TTC39A: variants seen among roughly 807,000 people sequenced by gnomAD.
TTC39A encodes the protein tetratricopeptide repeat protein 39A.
TTC39A carries 46 observed loss-of-function variants against 82.3 expected under a neutral mutation model. The ratio of observed to expected loss-of-function variants is 0.56; its 90% CI spans 0.44 to 0.71. The LOEUF (loss-of-function observed/expected upper bound fraction) is 0.71. Ranked by LOEUF, TTC39A falls within the 30% of genes least tolerant of loss-of-function variation. TTC39A has a pLI of 0.00. For synonymous variants in TTC39A, 254 were observed against 275.2 expected (o/e 0.92, Z 0.76); for missense variants, 543 against 712.9 (o/e 0.76, Z 2.71).
intron 1 of TTC39A, among the ~76,000 whole-genome samples, chr1:51,337,100 C>T (rs1257741049): frequency 6.6e-6 from 1 of 152,204 alleles, no homozygotes; most frequent in African/African-American, 2.4e-5. Flanking sequence ...CAGATCACAT[C>T]ACAACTCTGC....
chr1:51,335,518 A>C (rs984929778), upstream of TTC39A, among the ~76,000 whole-genome samples: 1 of 148,606 alleles, frequency 6.7e-6, no homozygotes, highest in Non-Finnish European at 1.5e-5. Context: ...CCGAGATCAC[A>C]CCATTGCACT....
exon 1 of TTC39A, chr1:51,345,086 C>A (rs944642048): frequency 1.2e-5 from 15 of 1,223,554 alleles, no homozygotes; most frequent in Admixed American, 4.4e-5. Flanking sequence ...CGGCCCCTCG[C>A]GGCGGCGGCG....
rs377464572 is a variant in TTC39A at position 51,305,930 on chromosome 1, G to C, written c.588+47C>G. 6.8e-4 allele frequency: 1,076 copies of C among 1,576,180 alleles called. 1 individual carries two copies. The highest frequency in any genetic ancestry group is 9.0e-4 in the Non-Finnish European group (1,031 of 1,145,726). On this transcript the variant is annotated intron_variant, in intron 7 of 17. Transcript: ENST00000680483. ...CACATGAGTCAGGGACAGAAGGGGA[G>C]ACTGAGCTCAAGCCAGGTGCTGTGG... is the stretch of plus-strand genomic sequence containing the variant.
At chr1:51,290,239 C>T in intron 15 of TTC39A, 120 bp from the exon 16 acceptor site, 1 of 886,156 alleles carries the variant, frequency 1.1e-6, no homozygotes, top group South Asian at 1.7e-5. Flanking sequence ...CAGTCCCTGT[C>T]CTCAGCAGGG....
chr1:51,334,139 G>T (rs377599457), upstream of TTC39A, among the ~76,000 whole-genome samples: 1 of 148,620 alleles, frequency 6.7e-6, no homozygotes, highest in African/African-American at 2.5e-5. Context: ...CAGGTGGATT[G>T]CATGAGCCCA....
chr1:51,323,144 AC>A (rs1645592665), intron 1 of TTC39A, among the ~76,000 whole-genome samples: 1 of 150,694 alleles, frequency 6.6e-6, no homozygotes, highest in East Asian at 2.0e-4. Context: ...CCACTCCTCT[AC>A]CCAATAAGCA....
chr1:51,309,225 G>A (rs774039576), intron 6 of TTC39A, 36 bp downstream of exon 6: 2 of 1,575,830 alleles, frequency 1.3e-6, no homozygotes, highest in South Asian at 1.2e-5. Flanking sequence ...CTGTGGCCCA[G>A]GGTCTCCCCA....
In TTC39A at chr1:51,290,563, C is replaced by G; in HGVS notation, c.1329G>C (p.Gly443=). Residue 443 remains glycine, a synonymous_variant, in exon 15 of 18, where the codon GGG becomes GGC. Coordinates refer to ENST00000680483, the MANE Select transcript of TTC39A (RefSeq NM_001297663.2). ...CAGCCTTAGTGATAATCTCAAGTAT[C>G]CCATCCGTGAGTTTCGGCTGCTTCC... is the stretch of plus-strand genomic sequence containing the variant. ...VIGKQPKLTD[G]ILEIITKAEE... The G allele has an allele frequency of 2.5e-6, 4 of 1,613,994 alleles. No individual in the cohort carries two copies. The highest frequency in any genetic ancestry group is 1.7e-5 in the Admixed American group (1 of 60,014).
At chr1:51,293,003 G>T (rs1335133403) in intron 14 of TTC39A, among the ~76,000 whole-genome samples, 1 of 151,772 alleles carries the variant, frequency 6.6e-6, no homozygotes, top group Non-Finnish European at 1.5e-5. Flanking sequence ...TTTTGGTATA[G>T]TTGCTGCCCT....
At position 51,303,281 on chromosome 1, in the gene TTC39A, C is replaced by A. The variant is rs568418913; in HGVS notation, c.655-89G>T. ...AGCTGTGTGGGCAGTGCTGCCGGCA[C>A]AGGGGCGGAAGAGCACTGGAACCCT... On this transcript the variant is annotated intron_variant, in intron 8 of 17. Coordinates refer to ENST00000680483, the MANE Select transcript of TTC39A (RefSeq NM_001297663.2). 1.6e-5 allele frequency: 19 copies of A among 1,187,986 alleles called. No homozygotes were observed. In the South Asian group the frequency reaches 2.6e-4, roughly 16 times the overall value. 73.6% of individuals were successfully genotyped at this position (1,187,986 alleles called of 1,614,324 possible).
chr1:51,321,678 C>A lies in TTC39A; in HGVS notation c.146+43G>T. ...ATACAAGACCTCTGGTTCTCCCTGACCGTCATGCACACCCCCTACCCCAAC... is the reference window on the plus strand; with the variant it reads ...ATACAAGACCTCTGGTTCTCCCTGAACGTCATGCACACCCCCTACCCCAAC... On this transcript the variant is annotated intron_variant, in intron 2 of 17. Transcript: ENST00000680483. This position sits in a 1 kb window ranked among gnomAD's most constrained non-coding sequence, Gnocchi z 4.6. 3 of 1,582,068 alleles carry A rather than the reference C, an allele frequency of 1.9e-6. No homozygotes were observed. Among genetic ancestry groups the A allele is most frequent in the Non-Finnish European group, 2.6e-6 (3 of 1,155,660 alleles).
In TTC39A at chr1:51,328,221, A is replaced by G. The variant is rs182546899; in HGVS notation, c.41+2216T>C. On this transcript the variant is annotated intron_variant, in intron 1 of 17. Transcript: ENST00000680483. ...TTATTTTATTTAAGATCGAGTGCAC[A>G]TATCCAACAACCCAGCAATTCCACT... Among the ~76,000 whole-genome samples, 891 of 152,276 alleles carry G rather than the reference A, an allele frequency of 5.9e-3. 3 individuals carry two copies. Among genetic ancestry groups the G allele is most frequent in the Non-Finnish European group, 8.0e-3 (543 of 68,030 alleles).
intron 2 of TTC39A, among the ~76,000 whole-genome samples, chr1:51,314,831 C>T (rs139382887): frequency 1.9e-3 from 284 of 152,224 alleles, no homozygotes; most frequent in Non-Finnish European, 2.2e-3. Flanking sequence ...TTTTTCCCTG[C>T]GGAAGGAAAA....
chr1:51,292,678 AC>A (rs1644267864), intron 14 of TTC39A, among the ~76,000 whole-genome samples: 2 of 152,102 alleles, frequency 1.3e-5, no homozygotes, highest in Admixed American at 1.3e-4. Flanking sequence ...CGATCCACCT[AC>A]CCTGGCCTCC....
intron 2 of TTC39A, among the ~76,000 whole-genome samples, chr1:51,314,175 G>C (rs891532384): frequency 6.6e-6 from 1 of 152,200 alleles, no homozygotes; most frequent in Admixed American, 6.5e-5. Flanking sequence ...GGGGGCAGGG[G>C]GTGGCATTTA....
At chr1:51,322,633 A>C (rs1036673153) in intron 1 of TTC39A, among the ~76,000 whole-genome samples, 3 of 152,196 alleles carry the variant, frequency 2.0e-5, no homozygotes, top group African/African-American at 7.2e-5. Context: ...AAGGCTAGGA[A>C]AGCAAACCCC....
chr1:51,340,759 C>T (rs1646024416), intron 1 of TTC39A, among the ~76,000 whole-genome samples: 1 of 152,256 alleles, frequency 6.6e-6, no homozygotes, highest in African/African-American at 2.4e-5. Context: ...ATCCTCACAA[C>T]AATCCTGGGA....
chr1:51,315,171 C>T (rs1454161460), intron 2 of TTC39A, among the ~76,000 whole-genome samples: 2 of 152,198 alleles, frequency 1.3e-5, no homozygotes, highest in Non-Finnish European at 2.9e-5. Flanking sequence ...AGGGACAGCC[C>T]CACCCGGGCA....
In TTC39A at chr1:51,321,904, G is replaced by A; in HGVS notation, c.42-79C>T. ...TCCTGGCTGGAACAGAGCCTCACAGGGTCTACTCAGCCTCCCTGGCCAGCC... is the reference window on the plus strand; with the variant it reads ...TCCTGGCTGGAACAGAGCCTCACAGAGTCTACTCAGCCTCCCTGGCCAGCC... On this transcript the variant is annotated intron_variant, in intron 1 of 17. Coordinates refer to ENST00000680483, the MANE Select transcript of TTC39A (RefSeq NM_001297663.2). The surrounding 1 kb of genome is among the most constrained non-coding windows in gnomAD (Gnocchi z 4.6). 1 of 1,436,992 alleles carries A rather than the reference G, an allele frequency of 7.0e-7. No individual in the cohort carries two copies. Among genetic ancestry groups the A allele is most frequent in the Non-Finnish European group, 9.6e-7 (1 of 1,044,224 alleles). 89.0% of individuals were successfully genotyped at this position (1,436,992 alleles called of 1,614,324 possible).
Sources: gnomAD v4.1 joint callset for allele counts (sites outside exome capture counted in the v4.1 genomes callset) on GRCh38, gnomAD v4.1.1 for gene constraint, Gnocchi (gnomAD v3.1) non-coding constraint, MANE v1.5 for transcripts, NCBI Gene and HGNC (gene_info 2026-07-23, HGNC 2026-07-21) for gene names.